The following TRIM64C variants were observed in gnomAD, a reference collection of about 807,000 sequenced individuals.
TRIM64C encodes the protein tripartite motif containing 64C.
A neutral mutation model predicts 36.1 loss-of-function variants in TRIM64C; 25 were observed. The ratio of observed to expected loss-of-function variants is 0.69; its 90% CI spans 0.51 to 0.97. TRIM64C has a LOEUF of 0.97. TRIM64C is among the 50% of genes least tolerant of loss of function. The pLI, the probability that TRIM64C is intolerant of heterozygous loss-of-function variation, is 0.00. For synonymous variants in TRIM64C, 212 were observed against 185.7 expected (o/e 1.14, Z -1.15); for missense variants, 489 against 536.8 (o/e 0.91, Z 0.88).
chr11:49,058,233 A>AT (rs1225338927), intron 1 of TRIM64C, 61 bp from the exon 2 acceptor site: 5 of 1,177,408 alleles, frequency 4.2e-6, no homozygotes, highest in Admixed American at 5.8e-5. Flanking sequence ...CCCTTTATCA[A>AT]TAAAAAAAAG....
intron 4 of TRIM64C, among the ~76,000 whole-genome samples, chr11:49,055,869 C>G (rs1354547804): frequency 6.6e-6 from 1 of 152,172 alleles, no homozygotes; most frequent in East Asian, 1.9e-4. Flanking sequence ...CCTGAGAACC[C>G]TGCTGCTGAG....
rs1232624520 is a variant in TRIM64C, at chr11:49,058,353, T to C, written c.413-181A>G. The stretch of plus-strand genomic sequence containing the variant: ...GATGTGAAAAGTGATAGAAACATAA[T>C]AGAGAGTTTTAAGGGACCTTTCAGA... On this transcript the variant is annotated intron_variant, in intron 1 of 5. Coordinates refer to ENST00000617704, the MANE Select transcript of TRIM64C (RefSeq NM_001206631.1). 2.6e-5 allele frequency among the ~76,000 whole-genome samples: 4 copies of C among 151,964 alleles called. No individual in the cohort carries two copies. The South Asian group carries it at 8.3e-4, about 32-fold the overall frequency.
chr11:49,058,556 C>T (rs1279283031), intron 1 of TRIM64C, 145 bp downstream of exon 1: 1 of 1,448,002 alleles, frequency 6.9e-7, no homozygotes, highest in East Asian at 2.5e-5. Context: ...TAGTCAGCAA[C>T]ATTGAAAGGA....
chr11:49,056,498 C>T, intron 3 of TRIM64C, 117 bp from the exon 4 acceptor site: 1 of 856,408 alleles, frequency 1.2e-6, no homozygotes, highest in African/African-American at 1.7e-5. Flanking sequence ...TTTTATTCCC[C>T]TCTAAGGAAT....
intron 1 of TRIM64C, among the ~76,000 whole-genome samples, 154 bp from the exon 2 acceptor site, chr11:49,058,326 T>G (rs896604770): frequency 6.6e-6 from 1 of 151,888 alleles, no homozygotes; most frequent in African/African-American, 2.4e-5. Context: ...TCTAATAATT[T>G]GGATGTGAAA....
chr11:49,055,434 T>C (rs748381305), intron 4 of TRIM64C, 27 bp from the exon 5 acceptor site: 1 of 1,535,308 alleles, frequency 6.5e-7, no homozygotes, highest in South Asian at 1.2e-5. Context: ...GCCTCAGTTA[T>C]ATTTCCAGGA....
In TRIM64C at chr11:49,054,180, G is replaced by T. The variant is rs1279674360; in HGVS notation, c.887C>A (p.Thr296Asn). 6.4e-7 allele frequency: 1 copy of T among 1,551,368 alleles called. No individual in the cohort carries two copies. The highest frequency in any genetic ancestry group is 1.4e-5 in the African/African-American group (1 of 73,026). Reference sequence around the variant, plus strand: ...CTCAGAAAGGCTTATATAGCAAGGAGTCATTTCTGTACTCAGAGCATTATC... The same window carrying T: ...CTCAGAAAGGCTTATATAGCAAGGATTCATTTCTGTACTCAGAGCATTATC... ...RVDNALSTEM[T>N]PCYISLSEDV... Residue 296 changes from threonine to asparagine, a missense_variant, in exon 6 of 6, where the codon ACT (threonine) becomes AAT (asparagine). Thr to Asn is a moderately conservative substitution (Grantham distance 65, BLOSUM62 0). Transcript: ENST00000617704.
At position 49,058,827 on chromosome 11, in the gene TRIM64C, C is replaced by T; in HGVS notation, c.286G>A (p.Glu96Lys). 6.5e-7 allele frequency: 1 copy of T among 1,549,334 alleles called. No homozygotes were observed. The highest frequency in any genetic ancestry group is 8.7e-7 in the Non-Finnish European group (1 of 1,146,868). ...TCACAGAAGAGCTCCTTAGTCTCCT[C>T]ATGGAGCACACAGATATTGTCTGAG... ...NSSDNICVLH[E>K]ETKELFCEAD... is the part of the protein sequence containing the mutation. Residue 96 changes from glutamate (E) to lysine (K), a missense_variant, in exon 1 of 6, where the codon GAG becomes AAG. Transcript: ENST00000617704.
At position 49,057,325 on chromosome 11, in the gene TRIM64C, A is replaced by G; in HGVS notation, c.561T>C (p.His187=). The change falls in exon 3 of 6, where the codon CAT becomes CAC. Residue 187 remains histidine, a synonymous_variant. Coordinates refer to ENST00000617704, the MANE Select transcript of TRIM64C (RefSeq NM_001206631.1). ...GTTGCTCCTCCTCATCGAGAAATAT[A>G]TGCATCTTTTGATACTGAATAGTGA... ...VIITIQYQKM[H]IFLDEEEQRH... is the part of the protein sequence containing the mutation. 20 of 1,549,748 alleles carry G rather than the reference A, an allele frequency of 1.3e-5. No homozygotes were observed. Among genetic ancestry groups the G allele is most frequent in the Non-Finnish European group, 1.7e-5 (20 of 1,146,948 alleles).
At chr11:49,058,307 A>C in intron 1 of TRIM64C, 135 bp from the exon 2 acceptor site, 2 of 694,692 alleles carry the variant, frequency 2.9e-6, no homozygotes, top group South Asian at 2.0e-5. Flanking sequence ...CAAGTTAAAC[A>C]AATATGGTTC....
At chr11:49,055,138 T>C (rs2134719529) in intron 5 of TRIM64C, among the ~76,000 whole-genome samples, 172 bp downstream of exon 5, 1 of 152,326 alleles carries the variant, frequency 6.6e-6, no homozygotes, top group East Asian at 1.9e-4. Context: ...GTCAGGAAAT[T>C]GAGTTTTGAT....
At position 49,059,108 on chromosome 11, in the gene TRIM64C, T is replaced by C. The variant is rs1466346076; in HGVS notation, c.5A>G (p.Asp2Gly). 2 of 1,513,796 alleles carry C rather than the reference T, an allele frequency of 1.3e-6. No homozygotes were observed. Among genetic ancestry groups the C allele is most frequent in the South Asian group, 2.6e-5 (2 of 77,470 alleles). 93.8% of individuals were successfully genotyped at this position (1,513,796 alleles called of 1,614,324 possible). A position where few individuals can be genotyped will look rare whatever the true frequency, so the allele number is the denominator to read the frequency against. Residue 2 changes from aspartate to glycine, a missense_variant, in exon 1 of 6, where the codon GAT becomes GGT. Coordinates refer to ENST00000617704, the MANE Select transcript of TRIM64C (RefSeq NM_001206631.1). ...CTGGAAGACTCGCAGGGTGTCTGAA[T>C]CCATGTTTCTTGAAATTAAAAAAAA... M[D>G]SDTLRVFQNE...
chr11:49,056,768 A>G (rs777465088), intron 3 of TRIM64C, among the ~76,000 whole-genome samples: 2 of 151,906 alleles, frequency 1.3e-5, no homozygotes, highest in African/African-American at 2.4e-5. Context: ...TGCCCAGGCA[A>G]GGGGAAACCC....
At chr11:49,055,988 C>T (rs562702074) in intron 4 of TRIM64C, among the ~76,000 whole-genome samples, 1 of 151,528 alleles carries the variant, frequency 6.6e-6, no homozygotes, top group South Asian at 2.1e-4. Flanking sequence ...CGCCTCAGCC[C>T]ATCCTTAGGG....
intron 5 of TRIM64C, 130 bp from the exon 6 acceptor site, chr11:49,054,337 T>C (rs901493616): frequency 1.0e-6 from 1 of 999,834 alleles, no homozygotes; most frequent in African/African-American, 1.6e-5. Flanking sequence ...TTCAGCCCCA[T>C]GCATCCATGA....
At chr11:49,056,426 C>T in intron 3 of TRIM64C, 45 bp from the exon 4 acceptor site, 1 of 1,447,346 alleles carries the variant, frequency 6.9e-7, no homozygotes, top group Non-Finnish European at 9.5e-7. Flanking sequence ...GAGATTTTTC[C>T]TTCTGCATCT....
Position 49,053,977 on chromosome 11 carries a change from C to T in TRIM64C, c.1090G>A (p.Ala364Thr), listed in dbSNP as rs1302901103. ...GAATCAATAACTATATTGGTATCTG[C>T]TGTCCTAGAATCTCGACAGACTCCC... ...ILGVCRDSRT[A>T]DTNIVIDSDK... The change falls in exon 6 of 6, where the codon GCA becomes ACA. Residue 364 changes from alanine (A) to threonine (T), a missense_variant. Coordinates refer to ENST00000617704, the MANE Select transcript of TRIM64C (RefSeq NM_001206631.1). The T allele has an allele frequency of 1.3e-6, 2 of 1,551,588 alleles. No homozygotes were observed. Among genetic ancestry groups the T allele is most frequent in the Non-Finnish European group, 1.7e-6 (2 of 1,146,854 alleles).
At position 49,053,897 on chromosome 11, in the gene TRIM64C, G is replaced by A. The variant is rs1180820908; in HGVS notation, c.1170C>T (p.Ser390=). ...ACTGGATTAAAGGTGGAGAATTGGT[G>A]GAGAGACTATAGTGATTGCTCGTCT... ...SSKTSNHYSL[S]TNSPPLIQYV... Residue 390 remains serine (S), a synonymous_variant, in exon 6 of 6, where the codon TCC becomes TCT. Transcript: ENST00000617704. 2 of 1,551,568 alleles carry A rather than the reference G, an allele frequency of 1.3e-6. No individual in the cohort carries two copies. The highest frequency in any genetic ancestry group is 3.9e-5 in the Admixed American group (2 of 50,972).
chr11:49,056,640 A>G (rs1854817679), intron 3 of TRIM64C, among the ~76,000 whole-genome samples: 1 of 151,908 alleles, frequency 6.6e-6, no homozygotes. Flanking sequence ...AGTCTCATTA[A>G]TTTCCTAATC....
Sources: allele counts gnomAD v4.1 joint callset (sites outside exome capture counted in the v4.1 genomes callset), GRCh38; gene constraint gnomAD v4.1.1; transcripts MANE v1.5; gene names NCBI Gene and HGNC (gene_info 2026-07-23, HGNC 2026-07-21).